Variants in TAPBPL observed in about 807,000 individuals in gnomAD.
TAPBPL encodes the protein tapasin-related protein.
A neutral mutation model predicts 44.8 loss-of-function variants in TAPBPL; 32 were observed. That is an observed-to-expected ratio of 0.71 (90% CI 0.54 to 0.96). The LOEUF (loss-of-function observed/expected upper bound fraction) is 0.96. Ranked by LOEUF, TAPBPL falls within the 40% of genes least tolerant of loss-of-function variation. The pLI is 0.00. For synonymous variants in TAPBPL, 230 were observed against 240.7 expected, an observed-to-expected ratio of 0.96 and a Z score of 0.41; for missense variants, 520 against 586.6, an observed-to-expected ratio of 0.89 and a Z score of 1.17.
downstream of TAPBPL, chr12:6,464,682 T>A (rs1949958957): frequency 1.6e-5 from 24 of 1,485,874 alleles, no homozygotes; most frequent in Non-Finnish European, 2.1e-5. Context: ...GCCATCTCCC[T>A]GCAATGCGTT....
downstream of TAPBPL, chr12:6,464,892 A>G: frequency 6.2e-7 from 1 of 1,614,050 alleles, no homozygotes; most frequent in South Asian, 1.1e-5. Context: ...ATACTTACTT[A>G]CAATAACTAC....
intron 4 of TAPBPL, 27 bp downstream of exon 4, chr12:6,457,771 G>T (rs1592135309): frequency 6.5e-7 from 1 of 1,534,960 alleles, no homozygotes; most frequent in East Asian, 2.3e-5. Flanking sequence ...GTTATCCCAG[G>T]GAAGGGGATA....
At chr12:6,461,910 G>A (rs1241348837) in intron 6 of TAPBPL, 124 bp from the exon 7 acceptor site, 2 of 727,020 alleles carry the variant, frequency 2.8e-6, no homozygotes, top group Non-Finnish European at 4.6e-6. Flanking sequence ...CCTGGGACAG[G>A]ACAAGCAGGC....
intron 5 of TAPBPL, among the ~76,000 whole-genome samples, chr12:6,460,052 G>A (rs975597298): frequency 3.3e-5 from 5 of 151,980 alleles, no homozygotes; most frequent in African/African-American, 1.2e-4. Flanking sequence ...TTACAGATAT[G>A]AGCCACCGCA....
At chr12:6,466,357 G>A (rs749846681), downstream of TAPBPL, 64 of 1,612,392 alleles carry the variant, frequency 4.0e-5, no homozygotes, top group Admixed American at 8.4e-5. Flanking sequence ...CAGACCTGTG[G>A]AAAGACATGT....
chr12:6,462,272 C>A lies in TAPBPL; in HGVS notation c.*123C>A. On this transcript the variant is annotated 3_prime_UTR_variant, in exon 7 of 7. Coordinates refer to ENST00000266556, the MANE Select transcript of TAPBPL (RefSeq NM_018009.5). ...GGAATTTGTATTTTTTGCCTTTGTT[C>A]AGAATACATGACATTGGTAAATATG... The A allele has an allele frequency of 1.3e-6, 1 of 763,480 alleles. No individual in the cohort carries two copies. The highest frequency in any genetic ancestry group is 2.1e-6 in the Non-Finnish European group (1 of 476,916). 47.3% of individuals were successfully genotyped at this position (763,480 alleles called of 1,614,324 possible).
In TAPBPL at chr12:6,458,538, G is replaced by A. The variant is rs77195944; in HGVS notation, c.905-107G>A. 7,887 of 1,379,308 alleles carry A rather than the reference G, an allele frequency of 5.7e-3. 224 individuals carry two copies. In the African/African-American group the frequency reaches 0.061, roughly 11 times the overall value. The allele number at this position is 1,379,308 out of a possible 1,614,324, so 85.4% of individuals were successfully genotyped here. ...CCTTGGTACACCACCAAGGGACACT[G>A]TAGCCTCCACAATCTACTCTCATCT... is the stretch of plus-strand genomic sequence containing the variant. On this transcript the variant is annotated intron_variant, in intron 4 of 6. Transcript: ENST00000266556.
downstream of TAPBPL, chr12:6,462,392 A>C: frequency 2.0e-6 from 1 of 499,418 alleles, no homozygotes; most frequent in Non-Finnish European, 3.6e-6. Flanking sequence ...GATGACAGAC[A>C]CACAGTGGAA....
downstream of TAPBPL, chr12:6,462,926 A>C (rs953549515): frequency 1.9e-6 from 3 of 1,561,764 alleles, no homozygotes; most frequent in Non-Finnish European, 2.6e-6. Context: ...TGCTGCATGG[A>C]AAGTGGGCAT....
upstream of TAPBPL, chr12:6,451,678 T>G: frequency 2.6e-6 from 1 of 382,728 alleles, no homozygotes; most frequent in Non-Finnish European, 4.7e-6. Context: ...ACCCACATGC[T>G]ACAAGACGGG....
Position 6,461,031 on chromosome 12 carries a change from C to T in TAPBPL, c.1291+93C>T, listed in dbSNP as rs1043146882. On this transcript the variant is annotated intron_variant, in intron 6 of 6. Coordinates refer to ENST00000266556, the MANE Select transcript of TAPBPL (RefSeq NM_018009.5). ...AGACCAGGGTGGAAGCCCAGATGCC[C>T]CAAGCTCCAGCCACCCACCCATCAC... The T allele has an allele frequency of 1.9e-6, 3 of 1,572,302 alleles. No individual in the cohort carries two copies. In the African/African-American group the frequency reaches 4.0e-5, roughly 21 times the overall value.
chr12:6,454,177 C>T (rs1949643880), intron 3 of TAPBPL, among the ~76,000 whole-genome samples: 1 of 151,938 alleles, frequency 6.6e-6, no homozygotes, highest in South Asian at 2.1e-4. Context: ...TCCTAAAAAC[C>T]CCTGAGTCAG....
Position 6,453,756 on chromosome 12 carries a change from G to A in TAPBPL, c.565+40G>A, listed in dbSNP as rs369468023. 1.1e-5 allele frequency: 17 copies of A among 1,526,108 alleles called. No individual in the cohort carries two copies. The highest frequency in any genetic ancestry group is 5.5e-5 in the African/African-American group (4 of 72,608). The allele number at this position is 1,526,108 out of a possible 1,614,324, so 94.5% of individuals were successfully genotyped here. Reference sequence around the variant, plus strand: ...AGCAAGGCCAGGTGTGGTGGCTCACGCCTGTAATTCCAGAATTTTGGGATA... The same window carrying A: ...AGCAAGGCCAGGTGTGGTGGCTCACACCTGTAATTCCAGAATTTTGGGATA... On this transcript the variant is annotated intron_variant, in intron 3 of 6. Coordinates refer to ENST00000266556, the MANE Select transcript of TAPBPL (RefSeq NM_018009.5). The surrounding 1 kb of genome is among the most constrained non-coding windows in gnomAD (Gnocchi z 4.8).
upstream of TAPBPL, chr12:6,451,765 C>T (rs557410561): frequency 1.3e-3 from 348 of 267,514 alleles, 2 homozygotes; most frequent in African/African-American, 7.3e-3. Flanking sequence ...ATCCAGTTTC[C>T]TGGCCGCCTC....
At chr12:6,460,117 T>C (rs1382057487) in intron 5 of TAPBPL, among the ~76,000 whole-genome samples, 1 of 152,058 alleles carries the variant, frequency 6.6e-6, no homozygotes, top group Non-Finnish European at 1.5e-5. Flanking sequence ...ACCCGCAACT[T>C]GAAGTGGAAA....
downstream of TAPBPL, chr12:6,470,559 T>C (rs373113957): frequency 1.9e-6 from 3 of 1,613,752 alleles, no homozygotes; most frequent in South Asian, 1.1e-5. Flanking sequence ...TGAGGGTCTG[T>C]TCCTCTCCGG....
downstream of TAPBPL, chr12:6,470,592 G>A: frequency 2.5e-6 from 4 of 1,607,784 alleles, no homozygotes; most frequent in East Asian, 2.2e-5. Flanking sequence ...GACACCCGGT[G>A]AGGGACGCTG....
intron 5 of TAPBPL, among the ~76,000 whole-genome samples, chr12:6,459,595 A>G (rs1407712920): frequency 6.6e-6 from 1 of 152,194 alleles, no homozygotes; most frequent in Non-Finnish European, 1.5e-5. Flanking sequence ...GTCACCTATC[A>G]ATCAATGGTA....
downstream of TAPBPL, among the ~76,000 whole-genome samples, chr12:6,469,468 A>G (rs1945713380): frequency 6.6e-6 from 1 of 152,216 alleles, no homozygotes; most frequent in Admixed American, 6.5e-5. Flanking sequence ...TAGAACACTC[A>G]TATCTGGTTA....
Sources: gnomAD v4.1 joint callset for allele counts (sites outside exome capture counted in the v4.1 genomes callset) on GRCh38, gnomAD v4.1.1 for gene constraint, Gnocchi (gnomAD v3.1) non-coding constraint, MANE v1.5 for transcripts, NCBI Gene and HGNC (gene_info 2026-07-23, HGNC 2026-07-21) for gene names.